Variants in PLAC1 observed in about 807,000 individuals in gnomAD.
PLAC1 encodes the protein placenta associated 1, also known as placenta-specific protein 1.
For missense variants in PLAC1, 136 were observed against 163.2 expected, an observed-to-expected ratio of 0.83 and a Z score of 0.91; for synonymous variants, 68 against 62.1, an observed-to-expected ratio of 1.09 and a Z score of -0.44.
intron 2 of PLAC1, among the ~76,000 whole-genome samples, chrX:134,725,809 C>T (rs2078672575): frequency 9.0e-6 from 1 of 111,526 alleles, no homozygotes. Flanking sequence ...CCATCCTGGC[C>T]AACATGGTGA....
At chrX:134,638,240 G>A (rs764735105) in intron 1 of PLAC1, among the ~76,000 whole-genome samples, 31 of 112,108 alleles carry the variant, frequency 2.8e-4, no homozygotes, top group Non-Finnish European at 5.8e-4. Flanking sequence ...AAAATTCATT[G>A]TTACTTTTAC....
chrX:134,673,936 C>T (rs368240883), intron 2 of PLAC1, among the ~76,000 whole-genome samples: 13 of 113,122 alleles, frequency 1.1e-4, no homozygotes, highest in Admixed American at 5.6e-4. Flanking sequence ...ACCGTTCACA[C>T]GGTCTTTATC....
chrX:134,685,724 A>T (rs1350552376), intron 2 of PLAC1, among the ~76,000 whole-genome samples: 1 of 111,370 alleles, frequency 9.0e-6, no homozygotes, highest in Non-Finnish European at 1.9e-5. Context: ...ACTAGGCAAC[A>T]ATAGCTTTTT....
chrX:134,727,701 C>G (rs2078678381), intron 2 of PLAC1, among the ~76,000 whole-genome samples: 1 of 111,966 alleles, frequency 8.9e-6, no homozygotes. Context: ...CAGGATGCCA[C>G]CTTATAATAT....
At chrX:134,576,004 T>C (rs919825699) in intron 2 of PLAC1, among the ~76,000 whole-genome samples, 3 of 107,792 alleles carry the variant, frequency 2.8e-5, no homozygotes, top group Admixed American at 1.0e-4. Flanking sequence ...AAAAAGGAAG[T>C]TTCCCCCCAC....
At chrX:134,627,971 T>C (rs2078243868) in intron 1 of PLAC1, among the ~76,000 whole-genome samples, 1 of 111,546 alleles carries the variant, frequency 9.0e-6, no homozygotes, top group South Asian at 3.8e-4. Flanking sequence ...TTAACCTCTC[T>C]GAGCCTTGGT....
chrX:134,702,048 C>T (rs1406018260), intron 2 of PLAC1, among the ~76,000 whole-genome samples: 1 of 111,585 alleles, frequency 9.0e-6, no homozygotes, highest in Non-Finnish European at 1.9e-5. Flanking sequence ...GAAATACCAT[C>T]TCACACCAGT....
intron 2 of PLAC1, among the ~76,000 whole-genome samples, chrX:134,568,386 G>A (rs951734252): frequency 8.9e-6 from 1 of 112,482 alleles, no homozygotes; most frequent in Non-Finnish European, 1.9e-5. Context: ...TGATAGTGAC[G>A]AATTTGCTGC....
At chrX:134,697,733 T>C (rs983353195) in intron 2 of PLAC1, among the ~76,000 whole-genome samples, 4 of 111,508 alleles carry the variant, frequency 3.6e-5, no homozygotes, top group African/African-American at 1.3e-4. Flanking sequence ...CTGGGCATAG[T>C]GGCGCGTGCC....
intron 2 of PLAC1, among the ~76,000 whole-genome samples, chrX:134,573,042 A>G (rs1324498367): frequency 8.9e-6 from 1 of 111,865 alleles, no homozygotes; most frequent in Non-Finnish European, 1.9e-5. Context: ...GGTTACTAAA[A>G]GGTGAGTAGT....
At chrX:134,727,090 G>A (rs770550429) in intron 2 of PLAC1, among the ~76,000 whole-genome samples, 21 of 110,786 alleles carry the variant, frequency 1.9e-4, no homozygotes, top group Non-Finnish European at 3.4e-4. Context: ...TCCTTTGCTC[G>A]GAGAGAGAGC....
intron 1 of PLAC1, among the ~76,000 whole-genome samples, chrX:134,625,218 G>T (rs1410822237): frequency 8.9e-6 from 1 of 112,176 alleles, no homozygotes; most frequent in Admixed American, 9.4e-5. Context: ...GAACATGGAA[G>T]AAGCTTGGTT....
chrX:134,630,342 A>G (rs1412555382), intron 1 of PLAC1, among the ~76,000 whole-genome samples: 1 of 112,369 alleles, frequency 8.9e-6, no homozygotes, highest in Non-Finnish European at 1.9e-5. Flanking sequence ...AAATTTGAGC[A>G]GATTCAAAGA....
chrX:134,567,608 A>G (rs1255500970), intron 2 of PLAC1, among the ~76,000 whole-genome samples: 2 of 109,453 alleles, frequency 1.8e-5, no homozygotes, highest in Non-Finnish European at 3.8e-5. Context: ...AATACAAAAA[A>G]CTAGCTGAGT....
intron 1 of PLAC1, among the ~76,000 whole-genome samples, chrX:134,736,591 G>A (rs1008490689): frequency 1.7e-4 from 19 of 111,796 alleles, no homozygotes; most frequent in African/African-American, 6.2e-4. Context: ...CCGACAGCTG[G>A]TACAAACAGC....
intron 1 of PLAC1, among the ~76,000 whole-genome samples, chrX:134,654,737 A>G (rs979911118): frequency 5.3e-5 from 6 of 112,307 alleles, no homozygotes; most frequent in Non-Finnish European, 1.1e-4. Flanking sequence ...CCTGAAGTGA[A>G]ACAAAAAAGC....
intron 2 of PLAC1, among the ~76,000 whole-genome samples, chrX:134,668,332 G>T (rs1468120590): frequency 8.9e-6 from 1 of 112,354 alleles, no homozygotes; most frequent in Non-Finnish European, 1.9e-5. Flanking sequence ...AGTGGGGAGA[G>T]AATGGGAAGG....
chrX:134,666,129 G>A (rs889053261), intron 2 of PLAC1, among the ~76,000 whole-genome samples: 2 of 111,455 alleles, frequency 1.8e-5, no homozygotes, highest in Admixed American at 1.9e-4. Flanking sequence ...ATCAAAGCTC[G>A]TCTCCTTTGC....
chrX:134,574,307 A>G (rs1366098523), intron 2 of PLAC1, among the ~76,000 whole-genome samples: 1 of 112,160 alleles, frequency 8.9e-6, no homozygotes, highest in Non-Finnish European at 1.9e-5. Context: ...TATTTTTTAA[A>G]TGAAAGAAGG....
Sources: gnomAD v4.1 joint callset for allele counts (sites outside exome capture counted in the v4.1 genomes callset) on GRCh38, gnomAD v4.1.1 for gene constraint, MANE v1.5 for transcripts, NCBI Gene and HGNC (gene_info 2026-07-23, HGNC 2026-07-21) for gene names.